The following COL21A1 variants were observed in gnomAD, a reference collection of about 807,000 sequenced individuals.
COL21A1 encodes collagen alpha-1(XXI) chain.
Under a neutral mutation model 137.9 loss-of-function variants are expected in COL21A1, and 149 were observed. The ratio of observed to expected loss-of-function variants is 1.08; its 90% CI spans 0.95 to 1.24. The LOEUF (loss-of-function observed/expected upper bound fraction) is 1.24. Ranked by LOEUF, COL21A1 falls within the 50% of genes most tolerant of loss-of-function variation. The probability of loss-of-function intolerance (pLI) is 0.00; values close to 1 mark genes in which losing one functional copy is unlikely to be tolerated. For synonymous variants in COL21A1, 456 were observed against 391.5 expected (o/e 1.16, Z -1.95); for missense variants, 1,167 against 1,158.4 (o/e 1.01, Z -0.11).
intron 3 of COL21A1, among the ~76,000 whole-genome samples, chr6:56,178,759 T>C (rs1355052027): frequency 6.6e-6 from 1 of 152,118 alleles, no homozygotes. Context: ...GCAGTTATCA[T>C]GAACATGAAG....
chr6:56,221,455 G>C (rs940352774), intron 1 of COL21A1, among the ~76,000 whole-genome samples: 4 of 152,122 alleles, frequency 2.6e-5, no homozygotes, highest in African/African-American at 9.7e-5. Flanking sequence ...GGGCACGGTG[G>C]TTCATGCTTA....
chr6:56,274,862 T>C (rs1582749416), intron 1 of COL21A1, among the ~76,000 whole-genome samples: 1 of 151,968 alleles, frequency 6.6e-6, no homozygotes, highest in Non-Finnish European at 1.5e-5. Context: ...GAAAAAACTA[T>C]TCTAAAATTC....
intron 17 of COL21A1, among the ~76,000 whole-genome samples, chr6:56,097,966 AATATATAAAT>A (rs1266925204): frequency 1.3e-5 from 1 of 74,882 alleles, no homozygotes; most frequent in African/African-American, 6.6e-5. Context: ...AATATATATA[AATATATAAAT>A]ATATATAAAT....
intron 1 of COL21A1, among the ~76,000 whole-genome samples, chr6:56,227,570 C>A (rs1781287878): frequency 1.3e-5 from 2 of 151,930 alleles, no homozygotes; most frequent in East Asian, 1.9e-4. Context: ...ATACATGAAG[C>A]TTGGTTGTTT....
intron 12 of COL21A1, among the ~76,000 whole-genome samples, chr6:56,130,180 T>G (rs1773422175): frequency 3.2e-5 from 1 of 31,700 alleles, no homozygotes; most frequent in African/African-American, 1.0e-4. Flanking sequence ...TATATATATA[T>G]ATATATATAT....
At chr6:56,122,002 A>T (rs1392954989) in intron 16 of COL21A1, among the ~76,000 whole-genome samples, 1 of 152,152 alleles carries the variant, frequency 6.6e-6, no homozygotes, top group Admixed American at 6.5e-5. Context: ...GAAGGCAAAT[A>T]TCAAGAGTGA....
intron 1 of COL21A1, among the ~76,000 whole-genome samples, chr6:56,184,989 T>C (rs1778170333): frequency 1.3e-5 from 2 of 152,112 alleles, no homozygotes; most frequent in South Asian, 4.1e-4. Flanking sequence ...AAATAATCCA[T>C]GAGTTTTAAA....
At chr6:56,221,744 A>T (rs191016173) in intron 1 of COL21A1, among the ~76,000 whole-genome samples, 13 of 152,166 alleles carry the variant, frequency 8.5e-5, no homozygotes, top group African/African-American at 3.1e-4. Context: ...TATTATAAAG[A>T]CTTGAATTTA....
intron 1 of COL21A1, among the ~76,000 whole-genome samples, chr6:56,194,511 C>G (rs955934411): frequency 6.6e-6 from 1 of 152,118 alleles, no homozygotes; most frequent in Non-Finnish European, 1.5e-5. Context: ...TGAATCTCCT[C>G]ATATGCTAAC....
At chr6:56,270,152 A>G (rs1366404947) in intron 1 of COL21A1, among the ~76,000 whole-genome samples, 4 of 152,218 alleles carry the variant, frequency 2.6e-5, no homozygotes, top group Non-Finnish European at 2.9e-5. Flanking sequence ...ACAAGACCCA[A>G]ACATCCTCTG....
At chr6:56,103,568 A>G (rs62411455) in intron 16 of COL21A1, among the ~76,000 whole-genome samples, 23,132 of 152,066 alleles carry the variant, frequency 0.15, 1,786 homozygotes, top group Middle Eastern at 0.22. Flanking sequence ...ACTTTTTTCT[A>G]TCTGTCCATT....
At chr6:56,266,895 A>G (rs573523593) in intron 1 of COL21A1, among the ~76,000 whole-genome samples, 233 of 152,364 alleles carry the variant, frequency 1.5e-3, no homozygotes, top group African/African-American at 5.2e-3. Flanking sequence ...AACTATTAAT[A>G]GCTCATATTG....
chr6:56,245,435 T>G (rs1379418657), intron 1 of COL21A1, among the ~76,000 whole-genome samples: 1 of 152,224 alleles, frequency 6.6e-6, no homozygotes, highest in African/African-American at 2.4e-5. Flanking sequence ...TATAGTCACC[T>G]TCTAAGAGTG....
At chr6:56,243,102 T>C (rs1782436262) in intron 1 of COL21A1, among the ~76,000 whole-genome samples, 2 of 152,208 alleles carry the variant, frequency 1.3e-5, no homozygotes, top group Admixed American at 1.3e-4. Flanking sequence ...CAAATTCTAA[T>C]ATCCCTAACC....
chr6:56,276,523 A>T, intron 1 of COL21A1: 13 of 1,216,370 alleles, frequency 1.1e-5, no homozygotes, highest in Non-Finnish European at 1.4e-5. Flanking sequence ...AAACACCTTC[A>T]TATTAATCAT....
intron 1 of COL21A1, among the ~76,000 whole-genome samples, chr6:56,239,566 AT>A (rs1329641051): frequency 6.6e-6 from 1 of 152,002 alleles, no homozygotes. Context: ...CAAATTTAAA[AT>A]TTTTTTTCAA....
At chr6:56,267,136 G>T (rs1274797630) in intron 1 of COL21A1, among the ~76,000 whole-genome samples, 3 of 152,102 alleles carry the variant, frequency 2.0e-5, no homozygotes, top group Non-Finnish European at 4.4e-5. Context: ...TACATAAGGT[G>T]TCATGAAAGT....
intron 1 of COL21A1, among the ~76,000 whole-genome samples, chr6:56,243,937 T>G (rs965815843): frequency 1.3e-5 from 2 of 152,108 alleles, no homozygotes; most frequent in East Asian, 3.8e-4. Context: ...AGAATAATAA[T>G]GAAGCAAACT....
At chr6:56,192,681 AAAC>A in intron 1 of COL21A1, among the ~76,000 whole-genome samples, 1 of 152,318 alleles carries the variant, frequency 6.6e-6, no homozygotes, top group South Asian at 2.1e-4. Context: ...AAAAGTCAAG[AAAC>A]AACAGATGCT....
Sources: allele counts gnomAD v4.1 joint callset (sites outside exome capture counted in the v4.1 genomes callset), GRCh38; gene constraint gnomAD v4.1.1; transcripts MANE v1.5; gene names NCBI Gene and HGNC (gene_info 2026-07-23, HGNC 2026-07-21).